ARHGAP42: variants seen among roughly 807,000 people sequenced by gnomAD.
The protein encoded by ARHGAP42 is rho GTPase-activating protein 42.
ARHGAP42 carries 63 observed loss-of-function variants against 125.0 expected under a neutral mutation model. That is an observed-to-expected ratio of 0.50 (90% CI 0.41 to 0.62). The LOEUF is 0.62. Among genes scored for constraint, ARHGAP42 ranks in the 20% least tolerant of loss-of-function variants. The pLI, the probability that ARHGAP42 is intolerant of heterozygous loss-of-function variation, is 0.00. For missense variants in ARHGAP42, 766 were observed against 1,024.2 expected, an observed-to-expected ratio of 0.75 and a Z score of 3.44; for synonymous variants, 339 against 351.0, an observed-to-expected ratio of 0.97 and a Z score of 0.38.
intron 4 of ARHGAP42, among the ~76,000 whole-genome samples, chr11:100,866,124 G>A (rs1865563457): frequency 1.3e-5 from 2 of 152,100 alleles, no homozygotes; most frequent in Admixed American, 1.3e-4. Flanking sequence ...TATTCACAAG[G>A]AATAGATTCT....
At chr11:100,965,910 T>A (rs764618266) in intron 17 of ARHGAP42, 134 bp downstream of exon 17, 80 of 758,110 alleles carry the variant, frequency 1.1e-4, no homozygotes, top group Non-Finnish European at 1.6e-4. Context: ...TAAAAAATAG[T>A]ATGGCAGTTT....
chr11:100,778,001 C>A (rs1437040163), intron 2 of ARHGAP42, among the ~76,000 whole-genome samples: 2 of 151,936 alleles, frequency 1.3e-5, no homozygotes, highest in East Asian at 3.9e-4. Flanking sequence ...TGGATGAGGC[C>A]CCAGTTCTAT....
At chr11:100,987,201 CA>C (rs1233595908) in intron 22 of ARHGAP42, among the ~76,000 whole-genome samples, 2 of 152,102 alleles carry the variant, frequency 1.3e-5, no homozygotes, top group Admixed American at 1.3e-4. Context: ...GCCTATTTAG[CA>C]ACTTATTAAA....
chr11:100,975,381 A>G (rs1858363318), intron 19 of ARHGAP42, among the ~76,000 whole-genome samples: 1 of 152,192 alleles, frequency 6.6e-6, no homozygotes, highest in African/African-American at 2.4e-5. Flanking sequence ...ATAGTTTACT[A>G]ATTTTTAATT....
rs1311656119 is a variant in ARHGAP42, at chr11:100,959,864, A to T, written c.1163-19A>T. On this transcript the variant is annotated intron_variant, in intron 12 of 23. Coordinates refer to ENST00000298815, the MANE Select transcript of ARHGAP42 (RefSeq NM_152432.4). ...GAGTTCAGCGTAAACACCTAATGCG[A>T]TTTCTCTCTTATTTTCAGTGTATTT... The T allele has an allele frequency of 5.2e-6, 8 of 1,550,374 alleles. No homozygotes were observed. Among genetic ancestry groups the T allele is most frequent in the Non-Finnish European group, 6.1e-6 (7 of 1,145,842 alleles).
chr11:100,789,580 G>A (rs1016415105), intron 2 of ARHGAP42, among the ~76,000 whole-genome samples: 1 of 152,214 alleles, frequency 6.6e-6, no homozygotes, highest in African/African-American at 2.4e-5. Flanking sequence ...ACCTTTTACA[G>A]ACAGTAGTGG....
At chr11:100,980,115 A>G (rs1858493981) in intron 22 of ARHGAP42, among the ~76,000 whole-genome samples, 1 of 152,194 alleles carries the variant, frequency 6.6e-6, no homozygotes, top group South Asian at 2.1e-4. Flanking sequence ...TGCAGAGAGT[A>G]GAGCCACTTT....
intron 4 of ARHGAP42, among the ~76,000 whole-genome samples, chr11:100,860,674 C>G (rs661758): frequency 0.84 from 127,705 of 151,942 alleles, 54,138 homozygotes; most frequent in East Asian, 0.96. Context: ...CCAGAAACAA[C>G]CCTTCCTTAT....
intron 3 of ARHGAP42, among the ~76,000 whole-genome samples, chr11:100,824,534 A>G (rs968758183): frequency 6.6e-6 from 1 of 152,230 alleles, no homozygotes; most frequent in African/African-American, 2.4e-5. Context: ...TCTAGGAAGC[A>G]CATGAATTCA....
intron 2 of ARHGAP42, among the ~76,000 whole-genome samples, chr11:100,771,141 T>G (rs1358707690): frequency 2.0e-5 from 3 of 152,220 alleles, no homozygotes; most frequent in Non-Finnish European, 2.9e-5. Context: ...TATGATTCCC[T>G]AAACCAGTGT....
chr11:100,890,899 T>C (rs900225804), intron 4 of ARHGAP42, among the ~76,000 whole-genome samples: 8 of 152,134 alleles, frequency 5.3e-5, no homozygotes, highest in Admixed American at 1.3e-4. Context: ...TTGAGAGAAC[T>C]CCAAGTCTTG....
intron 4 of ARHGAP42, among the ~76,000 whole-genome samples, chr11:100,891,605 G>A (rs2034017): frequency 0.18 from 27,491 of 151,764 alleles, 3,418 homozygotes; most frequent in East Asian, 0.44. Flanking sequence ...ACCACACCCA[G>A]CTAATTTTTG....
chr11:100,858,625 T>G lies in ARHGAP42; in HGVS notation c.313-929T>G, dbSNP rs554313594. ...CAAACTTACAAAAAGGTTAGAAAAA[T>G]AGTACATGGAACACTTGTATACCTT... is the stretch of plus-strand genomic sequence containing the variant. On this transcript the variant is annotated intron_variant, in intron 3 of 23. Transcript: ENST00000298815. Among the ~76,000 whole-genome samples, 15 of 152,160 alleles carry G rather than the reference T, an allele frequency of 9.9e-5. No homozygotes were observed. The South Asian group carries it at 1.0e-3, about 11-fold the overall frequency.
chr11:100,718,460 C>T (rs1226928578), intron 1 of ARHGAP42, among the ~76,000 whole-genome samples: 1 of 152,078 alleles, frequency 6.6e-6, no homozygotes, highest in Non-Finnish European at 1.5e-5. Context: ...AGGAGTATAG[C>T]TTGGTTGTCA....
chr11:100,916,497 T>C (rs1029330644), intron 5 of ARHGAP42, among the ~76,000 whole-genome samples: 18 of 152,114 alleles, frequency 1.2e-4, no homozygotes, highest in African/African-American at 4.1e-4. Context: ...TAAACTATAA[T>C]AAAAGTGGTT....
intron 10 of ARHGAP42, 127 bp from the exon 11 acceptor site, chr11:100,948,330 G>T: frequency 2.9e-6 from 2 of 697,288 alleles, no homozygotes; most frequent in African/African-American, 1.8e-5. Flanking sequence ...AAATTCCTAT[G>T]TTTTTCTCCT....
intron 4 of ARHGAP42, among the ~76,000 whole-genome samples, chr11:100,890,118 C>T (rs573299112): frequency 2.0e-5 from 3 of 152,328 alleles, no homozygotes; most frequent in East Asian, 1.9e-4. Flanking sequence ...ACAGAGCAGG[C>T]ATCCAGATGA....
intron 22 of ARHGAP42, among the ~76,000 whole-genome samples, chr11:100,981,505 G>T (rs553884395): frequency 1.2e-4 from 18 of 152,278 alleles, no homozygotes; most frequent in African/African-American, 4.3e-4. Flanking sequence ...ACCAGTAGAG[G>T]CAGTAGGAAG....
At chr11:100,759,937 C>T (rs1862664750) in intron 1 of ARHGAP42, among the ~76,000 whole-genome samples, 1 of 152,230 alleles carries the variant, frequency 6.6e-6, no homozygotes, top group Non-Finnish European at 1.5e-5. Flanking sequence ...AGGCACCCAA[C>T]ATATGGTATC....
Sources: allele counts gnomAD v4.1 joint callset (sites outside exome capture counted in the v4.1 genomes callset), GRCh38; gene constraint gnomAD v4.1.1; transcripts MANE v1.5; gene names NCBI Gene and HGNC (gene_info 2026-07-23, HGNC 2026-07-21).